TMED10: variants seen among roughly 807,000 people sequenced by gnomAD.
TMED10 encodes the protein transmembrane emp24 domain-containing protein 10.
In TMED10, 7 loss-of-function variants were observed where a neutral mutation model predicts 23.1. The observed-to-expected ratio is 0.30, with a 90% confidence interval of 0.17 to 0.57. The LOEUF (loss-of-function observed/expected upper bound fraction) is 0.57. Ranked by LOEUF, TMED10 falls within the 20% of genes least tolerant of loss-of-function variation. The pLI, the probability that TMED10 is intolerant of heterozygous loss-of-function variation, is 0.91. For synonymous variants in TMED10, 113 were observed against 106.9 expected, an observed-to-expected ratio of 1.06 and a Z score of -0.35; for missense variants, 162 against 274.8, an observed-to-expected ratio of 0.59 and a Z score of 2.90.
chr14:75,152,184 C>T (rs1895962759), intron 1 of TMED10, 41 bp from the exon 2 acceptor site: 2 of 1,513,456 alleles, frequency 1.3e-6, no homozygotes, highest in Non-Finnish European at 1.8e-6. Flanking sequence ...GCAAATAACA[C>T]TCAGGAAGAG....
chr14:75,146,814 T>C (rs1895887987), intron 3 of TMED10, among the ~76,000 whole-genome samples: 1 of 152,186 alleles, frequency 6.6e-6, no homozygotes, highest in Admixed American at 6.5e-5. Flanking sequence ...CCTTGAAAGT[T>C]TGAAATTATT....
chr14:75,157,612 T>C (rs1457220527), intron 1 of TMED10, among the ~76,000 whole-genome samples: 1 of 151,162 alleles, frequency 6.6e-6, no homozygotes, highest in African/African-American at 2.4e-5. Context: ...ATTGTGCCAC[T>C]GCACTCCAGC....
intron 1 of TMED10, among the ~76,000 whole-genome samples, chr14:75,162,701 A>G (rs1294335923): frequency 6.6e-6 from 1 of 152,226 alleles, no homozygotes; most frequent in Admixed American, 6.5e-5. Context: ...AAGAAACCTG[A>G]CAAACACTAA....
chr14:75,152,478 A>G (rs1029448431), intron 1 of TMED10, among the ~76,000 whole-genome samples: 6 of 152,254 alleles, frequency 3.9e-5, no homozygotes, highest in African/African-American at 1.4e-4. Flanking sequence ...TTCCGCATAG[A>G]GGAACATGTC....
chr14:75,144,796 T>A (rs1233128221), intron 3 of TMED10, among the ~76,000 whole-genome samples: 1 of 152,238 alleles, frequency 6.6e-6, no homozygotes, highest in African/African-American at 2.4e-5. Context: ...TAGTTGGGAC[T>A]ACAGGTACCC....
chr14:75,153,777 CT>C (rs59328978), intron 1 of TMED10, among the ~76,000 whole-genome samples: 56 of 131,678 alleles, frequency 4.3e-4, no homozygotes, highest in South Asian at 4.8e-4. Context: ...TTTTTTTTCC[CT>C]TTTTTTTTTT....
At chr14:75,137,404 G>A (rs910108171) in intron 3 of TMED10, among the ~76,000 whole-genome samples, 4 of 148,924 alleles carry the variant, frequency 2.7e-5, no homozygotes, top group African/African-American at 9.9e-5. Flanking sequence ...CGGGTGTGGT[G>A]GCTCACACCT....
intron 3 of TMED10, among the ~76,000 whole-genome samples, chr14:75,146,165 G>A (rs1298001838): frequency 2.0e-5 from 3 of 152,068 alleles, no homozygotes; most frequent in Non-Finnish European, 2.9e-5. Context: ...ATTCTCTACC[G>A]GAAACTGTCT....
At chr14:75,148,110 A>G (rs1318625005) in intron 2 of TMED10, among the ~76,000 whole-genome samples, 1 of 152,170 alleles carries the variant, frequency 6.6e-6, no homozygotes, top group Non-Finnish European at 1.5e-5. Context: ...ATTGAGTGGC[A>G]TATAAATCAA....
At chr14:75,172,641 C>T (rs899278368) in intron 1 of TMED10, among the ~76,000 whole-genome samples, 9 of 152,006 alleles carry the variant, frequency 5.9e-5, no homozygotes, top group African/African-American at 2.2e-4. Context: ...TGATTAGCCA[C>T]GTAACATTGT....
intron 1 of TMED10, among the ~76,000 whole-genome samples, chr14:75,169,850 A>C (rs1896209538): frequency 6.6e-6 from 1 of 152,156 alleles, no homozygotes; most frequent in African/African-American, 2.4e-5. Flanking sequence ...CCATATGAAA[A>C]GGAGCTCTGG....
chr14:75,149,788 T>C (rs932111451), intron 2 of TMED10, among the ~76,000 whole-genome samples: 1 of 152,078 alleles, frequency 6.6e-6, no homozygotes, highest in Non-Finnish European at 1.5e-5. Context: ...AATCGGAGTA[T>C]GGCATGCTTG....
In TMED10 at chr14:75,148,139, T is replaced by C. The variant is rs140470782; in HGVS notation, c.338-402A>G. Among the ~76,000 whole-genome samples, 1,254 of 152,220 alleles carry C rather than the reference T, an allele frequency of 8.2e-3. 22 individuals are homozygous for C. The highest frequency in any genetic ancestry group is 0.028 in the African/African-American group (1,150 of 41,536). ...AAATCAAGAGATAGTAGGCAACAAC[T>C]TCGGCTGAAAATGTGTATTTCCACA... On this transcript the variant is annotated intron_variant, in intron 2 of 4. Coordinates refer to ENST00000303575, the MANE Select transcript of TMED10 (RefSeq NM_006827.6).
intron 1 of TMED10, among the ~76,000 whole-genome samples, chr14:75,164,596 T>A (rs1896137984): frequency 1.0e-5 from 1 of 97,850 alleles, no homozygotes; most frequent in South Asian, 3.4e-4. Flanking sequence ...TTTTTTTTTG[T>A]ATTTTTAGAA....
chr14:75,137,934 C>G (rs985120726), intron 3 of TMED10, among the ~76,000 whole-genome samples: 5 of 152,050 alleles, frequency 3.3e-5, no homozygotes, highest in Non-Finnish European at 5.9e-5. Context: ...GTCTTGAACT[C>G]CTAACCTCAG....
At chr14:75,165,314 A>G (rs1200011031) in intron 1 of TMED10, among the ~76,000 whole-genome samples, 2 of 151,844 alleles carry the variant, frequency 1.3e-5, no homozygotes, top group Non-Finnish European at 2.9e-5. Context: ...CACAACCTCC[A>G]CCTCCCAGGT....
At chr14:75,139,456 T>C (rs975439678) in intron 3 of TMED10, among the ~76,000 whole-genome samples, 9 of 152,122 alleles carry the variant, frequency 5.9e-5, no homozygotes, top group Non-Finnish European at 1.3e-4. Context: ...ATCTTCAAAG[T>C]TGATTTTATT....
chr14:75,148,047 C>T, intron 2 of TMED10: 2 of 412,744 alleles, frequency 4.8e-6, no homozygotes, highest in Non-Finnish European at 9.0e-6. Context: ...GAAGGGAAAC[C>T]ACACAGGCTT....
chr14:75,156,426 A>C (rs961408193), intron 1 of TMED10, among the ~76,000 whole-genome samples: 20 of 152,166 alleles, frequency 1.3e-4, no homozygotes, highest in African/African-American at 4.6e-4. Flanking sequence ...AAAACCAAAA[A>C]GTAAATGCCC....
Sources: allele counts gnomAD v4.1 joint callset (sites outside exome capture counted in the v4.1 genomes callset), GRCh38; gene constraint gnomAD v4.1.1; transcripts MANE v1.5; gene names NCBI Gene and HGNC (gene_info 2026-07-23, HGNC 2026-07-21).